Variants in STX8 observed in about 807,000 individuals in gnomAD.
STX8 encodes syntaxin 8.
In STX8, 23 loss-of-function variants were observed where a neutral mutation model predicts 37.5. The observed-to-expected ratio is 0.61, with a 90% CI of 0.44 to 0.87. The LOEUF is 0.87. STX8 is among the 40% of genes least tolerant of loss of function. STX8 has a pLI of 0.00. For synonymous variants in STX8, 115 were observed against 99.1 expected (o/e 1.16, Z -0.95); for missense variants, 313 against 284.7 (o/e 1.10, Z -0.71).
chr17:9,388,818 A>G (rs1233703303), intron 6 of STX8, among the ~76,000 whole-genome samples: 2 of 151,920 alleles, frequency 1.3e-5, no homozygotes, highest in Non-Finnish European at 2.9e-5. Flanking sequence ...AAAAGAAAAA[A>G]AAAAAAAAAA....
chr17:9,569,190 C>A (rs762885706), intron 1 of STX8, among the ~76,000 whole-genome samples: 9 of 152,182 alleles, frequency 5.9e-5, no homozygotes, highest in Non-Finnish European at 1.0e-4. Flanking sequence ...CTGTTCTGGG[C>A]ACTGGAGAAG....
chr17:9,446,380 G>A (rs536623566), intron 6 of STX8, among the ~76,000 whole-genome samples: 27 of 152,208 alleles, frequency 1.8e-4, no homozygotes, highest in South Asian at 1.0e-3. Context: ...CACAACTTTC[G>A]AAAATTATTT....
chr17:9,424,930 G>A lies in STX8; in HGVS notation c.542-46277C>T, dbSNP rs1913570890. Reference sequence around the variant, plus strand: ...ATAACTATAAATCATCCAAAGCAAAGAATACCATGTAACACAAGAGAGGTT... The same window carrying A: ...ATAACTATAAATCATCCAAAGCAAAAAATACCATGTAACACAAGAGAGGTT... On this transcript the variant is annotated intron_variant, in intron 6 of 7. Transcript: ENST00000306357. Among the ~76,000 whole-genome samples, 3 of 152,048 alleles carry A rather than the reference G, an allele frequency of 2.0e-5. No individual in the cohort carries two copies. In the South Asian group the frequency reaches 6.2e-4, roughly 31 times the overall value.
chr17:9,403,408 C>G (rs1912694253), intron 6 of STX8, among the ~76,000 whole-genome samples: 3 of 152,284 alleles, frequency 2.0e-5, no homozygotes, highest in Non-Finnish European at 2.9e-5. Context: ...AACACTGATT[C>G]AACACTGAAA....
At chr17:9,490,053 T>C (rs1567583697) in intron 6 of STX8, among the ~76,000 whole-genome samples, 1 of 152,312 alleles carries the variant, frequency 6.6e-6, no homozygotes, top group East Asian at 1.9e-4. Flanking sequence ...CTGAATTATA[T>C]GCAAATACAT....
At chr17:9,318,209 T>C (rs968303212) in intron 7 of STX8, among the ~76,000 whole-genome samples, 19 of 152,146 alleles carry the variant, frequency 1.2e-4, no homozygotes, top group African/African-American at 3.9e-4. Context: ...GCCATGTTGG[T>C]TTGCTGCACC....
At chr17:9,297,307 T>C (rs147212869) in intron 7 of STX8, among the ~76,000 whole-genome samples, 388 of 150,916 alleles carry the variant, frequency 2.6e-3, no homozygotes, top group African/African-American at 9.0e-3. Context: ...TTAGTGAGTA[T>C]AGAAACTCAT....
intron 6 of STX8, among the ~76,000 whole-genome samples, chr17:9,490,457 C>T (rs886168923): frequency 4.6e-5 from 7 of 152,110 alleles, no homozygotes; most frequent in African/African-American, 9.7e-5. Flanking sequence ...CCACAACCTC[C>T]GCCTCCTGGG....
chr17:9,464,125 CTTCT>C (rs1201171886), intron 6 of STX8, among the ~76,000 whole-genome samples: 1 of 152,134 alleles, frequency 6.6e-6, no homozygotes, highest in Non-Finnish European at 1.5e-5. Context: ...TTGAAATATT[CTTCT>C]TTGAGACAAT....
chr17:9,370,455 A>C (rs2142271940), intron 7 of STX8, among the ~76,000 whole-genome samples: 1 of 152,234 alleles, frequency 6.6e-6, no homozygotes, highest in East Asian at 1.9e-4. Flanking sequence ...GGACTGTCGG[A>C]CGCCACACCT....
chr17:9,564,665 AC>A lies in STX8; in HGVS notation c.117+3705del, dbSNP rs1907383950. Among the ~76,000 whole-genome samples the A allele has an allele frequency of 2.6e-5, 4 of 152,326 alleles. No homozygotes were observed. The South Asian group carries it at 8.3e-4, about 32-fold the overall frequency. On this transcript the variant is annotated intron_variant, in intron 2 of 7. Transcript: ENST00000306357. ...AGCTAACCATGAGGTAAAGATCTCT[AC>A]AAGAAGAACTACAAAACACTGCTCA... is the stretch of plus-strand genomic sequence containing the variant.
intron 4 of STX8, among the ~76,000 whole-genome samples, chr17:9,511,081 A>G (rs1432117296): frequency 1.3e-5 from 2 of 152,168 alleles, no homozygotes; most frequent in Non-Finnish European, 2.9e-5. Context: ...TAAAACCTGA[A>G]CAGACCAATA....
chr17:9,491,700 T>C, intron 6 of STX8, 129 bp downstream of exon 6: 1 of 781,946 alleles, frequency 1.3e-6, no homozygotes, highest in African/African-American at 1.7e-5. Context: ...CTCCAATGCG[T>C]TAAACTGTAA....
At chr17:9,369,843 C>T (rs539392055) in intron 7 of STX8, among the ~76,000 whole-genome samples, 102 of 137,242 alleles carry the variant, frequency 7.4e-4, no homozygotes, top group African/African-American at 2.7e-3. Flanking sequence ...CAGTGAGTGC[C>T]ACTGCACTCC....
chr17:9,487,984 A>G (rs1906679138), intron 6 of STX8, among the ~76,000 whole-genome samples: 1 of 152,102 alleles, frequency 6.6e-6, no homozygotes, highest in Non-Finnish European at 1.5e-5. Flanking sequence ...TTCAAAAACT[A>G]CTGATGCTTG....
intron 6 of STX8, among the ~76,000 whole-genome samples, chr17:9,417,578 A>T (rs1289299874): frequency 6.6e-6 from 1 of 152,196 alleles, no homozygotes; most frequent in African/African-American, 2.4e-5. Context: ...AGCCCCTAGC[A>T]TAAACATATC....
intron 4 of STX8, among the ~76,000 whole-genome samples, chr17:9,518,999 C>T (rs77583464): frequency 0.046 from 6,965 of 152,116 alleles, 214 homozygotes; most frequent in South Asian, 0.11. Context: ...TGGGGAGGGA[C>T]GTGCTCTCCT....
At chr17:9,290,624 G>C (rs1185870394) in intron 7 of STX8, among the ~76,000 whole-genome samples, 1 of 152,164 alleles carries the variant, frequency 6.6e-6, no homozygotes, top group East Asian at 1.9e-4. Flanking sequence ...GTATAGCGAG[G>C]GAAGGAGGGG....
intron 6 of STX8, among the ~76,000 whole-genome samples, chr17:9,468,176 C>G (rs930142327): frequency 1.3e-5 from 2 of 152,160 alleles, no homozygotes; most frequent in Non-Finnish European, 2.9e-5. Context: ...GTGGCACCAT[C>G]TCGGCTCACT....
Sources: allele counts gnomAD v4.1 joint callset (sites outside exome capture counted in the v4.1 genomes callset), GRCh38; gene constraint gnomAD v4.1.1; transcripts MANE v1.5; gene names NCBI Gene and HGNC (gene_info 2026-07-23, HGNC 2026-07-21).